KCNB2: variants seen among roughly 807,000 people sequenced by gnomAD.
The protein encoded by KCNB2 is delayed rectifier potassium channel protein.
Under a neutral mutation model 61.5 loss-of-function variants are expected in KCNB2, and 15 were observed. The observed-to-expected ratio is 0.24, with a 90% CI of 0.16 to 0.38. KCNB2 has a LOEUF of 0.38. Among genes scored for constraint, KCNB2 ranks in the 10% least tolerant of loss-of-function variants. KCNB2 has a pLI of 1.00. For synonymous variants in KCNB2, 457 were observed against 446.0 expected (o/e 1.02, Z -0.31); for missense variants, 828 against 1,125.2 (o/e 0.74, Z 3.78).
chr8:72,884,105 T>C (rs115894261), intron 2 of KCNB2, among the ~76,000 whole-genome samples: 2,792 of 152,312 alleles, frequency 0.018, 85 homozygotes, highest in African/African-American at 0.063. Context: ...GGCTTCTAAT[T>C]TGGGACAATA....
chr8:72,840,113 A>G (rs1428016655), intron 2 of KCNB2, among the ~76,000 whole-genome samples: 1 of 151,586 alleles, frequency 6.6e-6, no homozygotes, highest in South Asian at 2.1e-4. Context: ...CCCTGTGTCC[A>G]TGTGTTCTCA....
At chr8:72,786,761 T>C (rs1163477326) in intron 2 of KCNB2, among the ~76,000 whole-genome samples, 3 of 152,132 alleles carry the variant, frequency 2.0e-5, no homozygotes, top group Non-Finnish European at 4.4e-5. Context: ...ATGATGTCTA[T>C]CTCAAAGTAA....
chr8:72,858,775 C>T (rs1810248037), intron 2 of KCNB2, among the ~76,000 whole-genome samples: 1 of 152,172 alleles, frequency 6.6e-6, no homozygotes, highest in Admixed American at 6.5e-5. Flanking sequence ...GGAATGGGAC[C>T]ATCTGAAAGT....
intron 2 of KCNB2, among the ~76,000 whole-genome samples, chr8:72,667,063 A>G (rs1806487772): frequency 6.6e-6 from 1 of 151,922 alleles, no homozygotes; most frequent in Non-Finnish European, 1.5e-5. Flanking sequence ...AGAGAGAAAG[A>G]GAGAAACTGA....
At chr8:72,687,134 T>A (rs952142989) in intron 2 of KCNB2, among the ~76,000 whole-genome samples, 1 of 152,246 alleles carries the variant, frequency 6.6e-6, no homozygotes, top group African/African-American at 2.4e-5. Context: ...TGAATTAATA[T>A]GATTCAATTT....
rs190037930 is a variant in KCNB2 at position 72,567,857 on chromosome 8, G to T, written c.123G>T (p.Val41=). 6.2e-7 allele frequency: 1 copy of T among 1,614,008 alleles called. No individual in the cohort carries two copies. The highest frequency in any genetic ancestry group is 8.5e-7 in the Non-Finnish European group (1 of 1,179,988). The part of the protein sequence containing the change: ...KTCSRRVKIN[V]GGLNHEVLWR... ...GCTCCAGGAGAGTTAAGATCAATGT[G>T]GGGGGCCTCAACCACGAAGTCCTGT... Residue 41 remains valine, a synonymous_variant, in exon 2 of 3, where the codon GTG becomes GTT. Transcript: ENST00000523207.
At chr8:72,774,629 A>G (rs1255329569) in intron 2 of KCNB2, among the ~76,000 whole-genome samples, 2 of 152,156 alleles carry the variant, frequency 1.3e-5, no homozygotes, top group South Asian at 4.1e-4. Context: ...GATTACAGGC[A>G]TGAACCACCG....
intron 2 of KCNB2, among the ~76,000 whole-genome samples, chr8:72,827,609 A>G (rs938033494): frequency 2.0e-5 from 3 of 152,186 alleles, no homozygotes; most frequent in African/African-American, 7.2e-5. Context: ...CAGGCCAAAT[A>G]TTGGAGGTAC....
intron 2 of KCNB2, among the ~76,000 whole-genome samples, chr8:72,831,485 T>C (rs1042003587): frequency 6.6e-6 from 1 of 152,218 alleles, no homozygotes; most frequent in Non-Finnish European, 1.5e-5. Context: ...TAAGCCACTT[T>C]AGGGAAAGTT....
intron 2 of KCNB2, among the ~76,000 whole-genome samples, chr8:72,829,845 A>G (rs1430694467): frequency 6.6e-6 from 1 of 152,134 alleles, no homozygotes; most frequent in East Asian, 1.9e-4. Flanking sequence ...TCTTTTTATT[A>G]TGTGCTCGGC....
At chr8:72,800,122 G>A (rs1809099491) in intron 2 of KCNB2, among the ~76,000 whole-genome samples, 1 of 152,128 alleles carries the variant, frequency 6.6e-6, no homozygotes, top group South Asian at 2.1e-4. Context: ...CTGTATTTAA[G>A]TATAGAAGCA....
At chr8:72,594,203 A>G (rs1807150125) in intron 2 of KCNB2, among the ~76,000 whole-genome samples, 1 of 152,192 alleles carries the variant, frequency 6.6e-6, no homozygotes, top group Admixed American at 6.5e-5. Flanking sequence ...ATAAGAAGAT[A>G]AAACAAGTTC....
In KCNB2 at chr8:72,647,025, C is replaced by T. The variant is rs193284873; in HGVS notation, c.579+78712C>T. ...ATAAATGGAAGAGCTAAAAATGGAA[C>T]GGAGGGTTTCCCGAGTCTCTCTTGC... is the stretch of plus-strand genomic sequence containing the variant. On this transcript the variant is annotated intron_variant, in intron 2 of 2. Transcript: ENST00000523207. Among the ~76,000 whole-genome samples, 164 of 152,162 alleles carry T rather than the reference C, an allele frequency of 1.1e-3. 4 individuals are homozygous for T. The East Asian group carries it at 0.024, about 22-fold the overall frequency.
intron 2 of KCNB2, among the ~76,000 whole-genome samples, chr8:72,655,742 T>G (rs972956603): frequency 3.9e-5 from 6 of 152,170 alleles, no homozygotes; most frequent in Non-Finnish European, 8.8e-5. Context: ...TAATAATGAT[T>G]AAGACTGTGA....
At chr8:72,865,283 C>A (rs2129004323) in intron 2 of KCNB2, among the ~76,000 whole-genome samples, 1 of 152,160 alleles carries the variant, frequency 6.6e-6, no homozygotes, top group South Asian at 2.1e-4. Flanking sequence ...GCTTGGGATT[C>A]TATTCCCTCC....
At chr8:72,781,283 C>A (rs538717438) in intron 2 of KCNB2, among the ~76,000 whole-genome samples, 51 of 152,260 alleles carry the variant, frequency 3.3e-4, no homozygotes, top group Admixed American at 1.4e-3. Flanking sequence ...GTCATGAAAT[C>A]TTTGCCCGTG....
At chr8:72,554,313 G>A (rs752216059) in intron 1 of KCNB2, among the ~76,000 whole-genome samples, 30 of 152,100 alleles carry the variant, frequency 2.0e-4, no homozygotes, top group Non-Finnish European at 4.1e-4. Context: ...GACAGAATGA[G>A]AGGAATAATG....
chr8:72,617,762 T>C (rs1192091121), intron 2 of KCNB2, among the ~76,000 whole-genome samples: 1 of 152,142 alleles, frequency 6.6e-6, no homozygotes, highest in Non-Finnish European at 1.5e-5. Context: ...AAACTCTCCA[T>C]CTAGTGGTTT....
At chr8:72,614,737 G>A (rs564832416) in intron 2 of KCNB2, among the ~76,000 whole-genome samples, 24 of 152,168 alleles carry the variant, frequency 1.6e-4, no homozygotes, top group Non-Finnish European at 2.8e-4. Flanking sequence ...CGTTGGTTCT[G>A]TCCTTTCTGA....
Sources: allele counts gnomAD v4.1 joint callset (sites outside exome capture counted in the v4.1 genomes callset), GRCh38; gene constraint gnomAD v4.1.1; transcripts MANE v1.5; gene names NCBI Gene and HGNC (gene_info 2026-07-23, HGNC 2026-07-21).